The following PBX1 variants were observed in gnomAD, a reference collection of about 807,000 sequenced individuals.
PBX1 encodes PBX homeobox 1.
PBX1 carries 6 observed loss-of-function variants against 53.4 expected under a neutral mutation model. The ratio of observed to expected loss-of-function variants is 0.11; its 90% CI spans 0.06 to 0.22. PBX1 has a LOEUF of 0.22. PBX1 is among the 10% of genes least tolerant of loss of function. The pLI, the probability that PBX1 is intolerant of heterozygous loss-of-function variation, is 1.00. For missense variants in PBX1, 251 were observed against 551.4 expected, an observed-to-expected ratio of 0.46 and a Z score of 5.46; for synonymous variants, 204 against 212.3, an observed-to-expected ratio of 0.96 and a Z score of 0.34.
At chr1:164,819,807 C>T in intron 6 of PBX1, 1 of 343,136 alleles carries the variant, frequency 2.9e-6, no homozygotes, top group Non-Finnish European at 5.3e-6. Flanking sequence ...ATAAAGGTTC[C>T]CTTTCTTGGC....
At chr1:164,713,720 G>A (rs1053390434) in intron 2 of PBX1, among the ~76,000 whole-genome samples, 2 of 152,102 alleles carry the variant, frequency 1.3e-5, no homozygotes, top group African/African-American at 4.8e-5. Context: ...AGGCACAGAA[G>A]GCAGCAGAAA....
intron 2 of PBX1, among the ~76,000 whole-genome samples, chr1:164,678,540 C>T (rs927787697): frequency 6.6e-6 from 1 of 152,188 alleles, no homozygotes; most frequent in East Asian, 1.9e-4. Flanking sequence ...GAGCTGGTAA[C>T]CAAGGCCTGA....
intron 2 of PBX1, among the ~76,000 whole-genome samples, chr1:164,882,652 C>T (rs1197624933): frequency 2.0e-5 from 3 of 152,086 alleles, no homozygotes; most frequent in African/African-American, 7.2e-5. Context: ...GTTGATTAGG[C>T]TGGCCTCCAA....
intron 2 of PBX1, among the ~76,000 whole-genome samples, chr1:164,751,587 T>TTTC (rs1340966411): frequency 1.3e-5 from 2 of 150,316 alleles, no homozygotes; most frequent in East Asian, 3.9e-4. Flanking sequence ...CCCCCTTTTT[T>TTTC]TTTTTTTTTT....
intron 2 of PBX1, among the ~76,000 whole-genome samples, chr1:164,669,211 G>A (rs765419123): frequency 7.9e-5 from 12 of 152,048 alleles, no homozygotes; most frequent in Non-Finnish European, 1.5e-4. Context: ...TTATGTTAAT[G>A]GGATGCTATT....
chr1:164,717,595 G>T (rs1353965648), intron 2 of PBX1, among the ~76,000 whole-genome samples: 1 of 152,122 alleles, frequency 6.6e-6, no homozygotes, highest in African/African-American at 2.4e-5. Context: ...GAGCAGGTGT[G>T]CAGTGGCTCC....
Position 164,849,303 on chromosome 1 carries a change from C to A in PBX1, c.*2627C>A, listed in dbSNP as rs1156308653. On this transcript the variant is annotated 3_prime_UTR_variant, in exon 9 of 9. Coordinates refer to ENST00000420696, the MANE Select transcript of PBX1 (RefSeq NM_002585.4). ...GATGATCACCTTTCACAGCATTTTC[C>A]CCAACCAGCATTTCACTTAGTCTTC... is the stretch of plus-strand genomic sequence containing the variant. 3.2e-5 allele frequency: 49 copies of A among 1,534,812 alleles called. No individual in the cohort carries two copies. The highest frequency in any genetic ancestry group is 3.6e-5 in the Non-Finnish European group (41 of 1,146,358).
intron 5 of PBX1, among the ~76,000 whole-genome samples, chr1:164,811,272 C>A (rs1041990728): frequency 3.9e-5 from 6 of 152,088 alleles, no homozygotes; most frequent in African/African-American, 1.4e-4. Flanking sequence ...AGCCAAGACA[C>A]CTGCTGCGAA....
chr1:164,670,555 G>C (rs914448604), intron 2 of PBX1, among the ~76,000 whole-genome samples: 6 of 152,186 alleles, frequency 3.9e-5, no homozygotes, highest in Non-Finnish European at 7.3e-5. Flanking sequence ...TCAATAGCCA[G>C]CTGACTGAAG....
At chr1:164,766,286 A>AT (rs1407573774) in intron 2 of PBX1, among the ~76,000 whole-genome samples, 1 of 152,236 alleles carries the variant, frequency 6.6e-6, no homozygotes, top group Non-Finnish European at 1.5e-5. Context: ...CTGAGCAGTG[A>AT]TTGTAGAAAC....
At chr1:164,845,295 G>C (rs762286269) in intron 8 of PBX1, among the ~76,000 whole-genome samples, 4 of 152,122 alleles carry the variant, frequency 2.6e-5, no homozygotes, top group Non-Finnish European at 4.4e-5. Flanking sequence ...CTTTTCTCTT[G>C]CACCTCTGCT....
rs533294350 is a variant in PBX1, at chr1:164,759,639, C to T, written c.266-32855C>T. Among the ~76,000 whole-genome samples the T allele has an allele frequency of 3.3e-5, 5 of 152,276 alleles. No homozygotes were observed. In the South Asian group the frequency reaches 6.2e-4, roughly 19 times the overall value. On this transcript the variant is annotated intron_variant, in intron 2 of 8. Coordinates refer to ENST00000420696, the MANE Select transcript of PBX1 (RefSeq NM_002585.4). ...AGTATCATTCCAATTTGGGGCCAAC[C>T]AGCCTTGACAATATTGTGTTAAACC...
At chr1:164,807,473 T>C (rs1252193394) in intron 4 of PBX1, 69 bp from the exon 5 acceptor site, 14 of 1,547,786 alleles carry the variant, frequency 9.0e-6, no homozygotes, top group Non-Finnish European at 1.1e-5. Flanking sequence ...AGAAGTAGAT[T>C]TATTCTCTCC....
chr1:164,805,383 C>T (rs1054895071), intron 4 of PBX1, among the ~76,000 whole-genome samples: 2 of 152,116 alleles, frequency 1.3e-5, no homozygotes, highest in African/African-American at 4.8e-5. Context: ...TAGATTAAGA[C>T]AGCTACTAAA....
At chr1:164,870,925 A>G (rs953754147) in intron 2 of PBX1, among the ~76,000 whole-genome samples, 1 of 152,112 alleles carries the variant, frequency 6.6e-6, no homozygotes, top group South Asian at 2.1e-4. Context: ...CTACTCCTCT[A>G]TGGGAGTCTT....
chr1:164,663,823 T>C (rs181262560), intron 2 of PBX1, among the ~76,000 whole-genome samples: 14 of 152,350 alleles, frequency 9.2e-5, no homozygotes, highest in Admixed American at 3.9e-4. Flanking sequence ...CCAACTTTCA[T>C]AGTAGAGCTA....
rs1671662433 is a variant in PBX1 at position 164,848,177 on chromosome 1, C to A, written c.*1501C>A. The stretch of plus-strand genomic sequence containing the variant: ...TGAAATCATCACAGTGATTTTTATT[C>A]CCTGGGAACACAGCGTGTACTAAAA... On this transcript the variant is annotated 3_prime_UTR_variant, in exon 9 of 9. Coordinates refer to ENST00000420696, the MANE Select transcript of PBX1 (RefSeq NM_002585.4). The A allele has an allele frequency of 1.9e-6, 2 of 1,049,338 alleles. No individual in the cohort carries two copies. The highest frequency in any genetic ancestry group is 2.3e-6 in the Non-Finnish European group (2 of 869,376). The allele number at this position is 1,049,338 out of a possible 1,614,324, so 65.0% of individuals were successfully genotyped here.
chr1:164,783,364 AGGTCAG>A (rs560845509), intron 2 of PBX1, among the ~76,000 whole-genome samples: 38 of 128,120 alleles, frequency 3.0e-4, no homozygotes, highest in Non-Finnish European at 5.5e-4. Context: ...CTGGAAGCAT[AGGTCAG>A]TAAGGTGGGG....
chr1:164,644,713 T>C (rs1298455440), intron 2 of PBX1, among the ~76,000 whole-genome samples: 1 of 152,204 alleles, frequency 6.6e-6, no homozygotes, highest in Admixed American at 6.5e-5. Flanking sequence ...CCTTAATGTG[T>C]CTTGTGCCAT....
Sources: gnomAD v4.1 joint callset for allele counts (sites outside exome capture counted in the v4.1 genomes callset) on GRCh38, gnomAD v4.1.1 for gene constraint, MANE v1.5 for transcripts, NCBI Gene and HGNC (gene_info 2026-07-23, HGNC 2026-07-21) for gene names.